Variants in CLYBL observed in about 807,000 individuals in gnomAD.
CLYBL encodes citramalyl-CoA lyase, also known as citramalyl-CoA lyase, mitochondrial.
CLYBL carries 31 observed loss-of-function variants against 38.9 expected under a neutral mutation model. The ratio of observed to expected loss-of-function variants is 0.80; its 90% CI spans 0.60 to 1.08. The LOEUF (loss-of-function observed/expected upper bound fraction) is 1.08, where lower values mean the gene tolerates loss of function less well. Ranked by LOEUF, CLYBL falls within the 50% of genes least tolerant of loss-of-function variation. The pLI is 0.00. For missense variants in CLYBL, 434 were observed against 411.6 expected (o/e 1.05, Z -0.47); for synonymous variants, 171 against 158.6 (o/e 1.08, Z -0.59).
At chr13:99,654,574 C>T (rs1368004601) in intron 1 of CLYBL, among the ~76,000 whole-genome samples, 1 of 152,206 alleles carries the variant, frequency 6.6e-6, no homozygotes, top group African/African-American at 2.4e-5. Flanking sequence ...CCATCATCTA[C>T]ATATTACTTG....
chr13:99,780,165 T>C (rs2049611319), intron 2 of CLYBL, among the ~76,000 whole-genome samples: 1 of 152,204 alleles, frequency 6.6e-6, no homozygotes, highest in South Asian at 2.1e-4. Flanking sequence ...TCCTGGCATA[T>C]TGATTCATCT....
At chr13:99,665,700 T>C (rs1220265773) in intron 1 of CLYBL, among the ~76,000 whole-genome samples, 1 of 152,218 alleles carries the variant, frequency 6.6e-6, no homozygotes, top group African/African-American at 2.4e-5. Flanking sequence ...ATTTCTGTCT[T>C]TGTGATAATC....
chr13:99,789,617 A>C (rs1369249186), intron 2 of CLYBL, among the ~76,000 whole-genome samples: 1 of 152,202 alleles, frequency 6.6e-6, no homozygotes, highest in Admixed American at 6.5e-5. Flanking sequence ...TTTACTTCCA[A>C]CTATGTGGTC....
chr13:99,815,652 G>T (rs984967039), intron 2 of CLYBL, among the ~76,000 whole-genome samples: 1 of 152,302 alleles, frequency 6.6e-6, no homozygotes, highest in South Asian at 2.1e-4. Context: ...TTGGGAGGCC[G>T]AGGCAGGCGG....
intron 1 of CLYBL, among the ~76,000 whole-genome samples, chr13:99,656,233 A>G (rs1448551681): frequency 6.6e-6 from 1 of 152,084 alleles, no homozygotes; most frequent in African/African-American, 2.4e-5. Flanking sequence ...TGGGGTGGAG[A>G]ACCCCCAGAC....
At chr13:99,891,199 C>T (rs765540858) in intron 7 of CLYBL, 119 bp from the exon 8 acceptor site, 20 of 724,514 alleles carry the variant, frequency 2.8e-5, no homozygotes, top group East Asian at 1.3e-4. Context: ...AAAAGTTGGG[C>T]GGGAAAGTCA....
chr13:99,871,098 A>G (rs2051881979), intron 7 of CLYBL, 36 bp downstream of exon 7: 9 of 1,608,186 alleles, frequency 5.6e-6, no homozygotes, highest in Non-Finnish European at 7.7e-6. Context: ...TGAGAGCAGT[A>G]TTGAAAATAT....
At chr13:99,622,853 G>T (rs976698928) in intron 1 of CLYBL, among the ~76,000 whole-genome samples, 2 of 152,116 alleles carry the variant, frequency 1.3e-5, no homozygotes, top group Non-Finnish European at 2.9e-5. Context: ...ATCCAGGTTG[G>T]AGTATAGTGG....
chr13:99,617,171 G>T (rs2046724210), intron 1 of CLYBL, among the ~76,000 whole-genome samples: 1 of 152,108 alleles, frequency 6.6e-6, no homozygotes, highest in Non-Finnish European at 1.5e-5. Flanking sequence ...ATTGAAAAGT[G>T]TAAAAGGCAG....
chr13:99,846,241 C>T (rs923280442), intron 2 of CLYBL, among the ~76,000 whole-genome samples: 4 of 148,238 alleles, frequency 2.7e-5, no homozygotes, highest in Non-Finnish European at 4.4e-5. Context: ...ACCAACATTA[C>T]GAATGTTGAT....
In CLYBL at chr13:99,634,352, G is replaced by A. The variant is rs528425926; in HGVS notation, c.62+27595G>A. On this transcript the variant is annotated intron_variant, in intron 1 of 8. Transcript: ENST00000339105. ...AATCTGACTATGAGAAATGCTAAAG[G>A]AATTTCTTTAGGCTTAAGGGAAATA... Among the ~76,000 whole-genome samples, 4 of 152,200 alleles carry A rather than the reference G, an allele frequency of 2.6e-5. No individual in the cohort carries two copies. The South Asian group carries it at 8.3e-4, about 32-fold the overall frequency.
chr13:99,787,631 C>T (rs56947123), intron 2 of CLYBL, among the ~76,000 whole-genome samples: 5,626 of 152,182 alleles, frequency 0.037, 274 homozygotes, highest in African/African-American at 0.11. Flanking sequence ...AGTCAGGTAG[C>T]GTGATACCTC....
intron 2 of CLYBL, among the ~76,000 whole-genome samples, chr13:99,784,449 C>CTTTTTTTT (rs772465561): frequency 1.8e-3 from 93 of 52,074 alleles, no homozygotes; most frequent in South Asian, 4.1e-3. Context: ...AAAATTCTCT[C>CTTTTTTTT]TTTTTTTTTT....
chr13:99,690,826 A>G lies in CLYBL; in HGVS notation c.63-81998A>G, dbSNP rs967669954. The G allele has an allele frequency of 5.3e-5, 8 of 152,330 alleles. No individual in the cohort carries two copies. In the South Asian group the frequency reaches 1.0e-3, roughly 20 times the overall value. The allele number at this position is 152,330 out of a possible 1,614,324, so 9.4% of individuals were successfully genotyped here. A position where few individuals can be genotyped will look rare whatever the true frequency, so the allele number is the denominator to read the frequency against. On this transcript the variant is annotated intron_variant, in intron 1 of 8. Transcript: ENST00000339105. Reference sequence around the variant, plus strand: ...AAATCATTAATCACATACTTCTGACATTTTCCCTTTCAGTTTCCTCAGGGG... The same window carrying G: ...AAATCATTAATCACATACTTCTGACGTTTTCCCTTTCAGTTTCCTCAGGGG...
intron 1 of CLYBL, among the ~76,000 whole-genome samples, chr13:99,694,439 C>T (rs147339933): frequency 3.3e-5 from 5 of 152,200 alleles, no homozygotes; most frequent in East Asian, 1.9e-4. Context: ...AGTGTTTCCA[C>T]GTTTCAGCCT....
intron 2 of CLYBL, among the ~76,000 whole-genome samples, chr13:99,810,846 G>A (rs563097368): frequency 2.5e-4 from 38 of 152,132 alleles, no homozygotes; most frequent in African/African-American, 8.9e-4. Flanking sequence ...TCCAAACGTA[G>A]CCCTCCTGTC....
intron 1 of CLYBL, among the ~76,000 whole-genome samples, chr13:99,759,696 A>T (rs865979773): frequency 6.6e-6 from 1 of 152,314 alleles, no homozygotes. Context: ...ATACTATAGT[A>T]GCTGTATCTA....
intron 2 of CLYBL, among the ~76,000 whole-genome samples, chr13:99,851,420 T>C (rs929543682): frequency 2.1e-5 from 3 of 143,236 alleles, no homozygotes; most frequent in African/African-American, 7.8e-5. Context: ...TGGTTGACAA[T>C]GTTGCATAAG....
chr13:99,806,230 G>A lies in CLYBL; in HGVS notation c.249+33220G>A, dbSNP rs74555770. Among the ~76,000 whole-genome samples, 1,063 of 152,250 alleles carry A rather than the reference G, an allele frequency of 7.0e-3. 12 individuals are homozygous for A. Among genetic ancestry groups the A allele is most frequent in the African/African-American group, 0.023 (971 of 41,550 alleles). ...GTTTTATAAAAGGGATGTTTCAAAAGTGATTTTTTGAAGATTGATAATACA... is the reference window on the plus strand; with the variant it reads ...GTTTTATAAAAGGGATGTTTCAAAAATGATTTTTTGAAGATTGATAATACA... On this transcript the variant is annotated intron_variant, in intron 2 of 8. Coordinates refer to ENST00000339105, the MANE Select transcript of CLYBL (RefSeq NM_206808.5).
Sources: gnomAD v4.1 joint callset for allele counts (sites outside exome capture counted in the v4.1 genomes callset) on GRCh38, gnomAD v4.1.1 for gene constraint, MANE v1.5 for transcripts, NCBI Gene and HGNC (gene_info 2026-07-23, HGNC 2026-07-21) for gene names.